The following GREP1 variants were observed in gnomAD, a reference collection of about 807,000 sequenced individuals.
GREP1 encodes glycine rich extracellular protein 1.
chr16:3,001,847 G>A, exon 35 of GREP1: 1 of 389,808 alleles, frequency 2.6e-6, no homozygotes, highest in Non-Finnish European at 4.5e-6. Context: ...GAGAAATCAT[G>A]AGAAGAAAAC....
chr16:2,998,623 T>A, intron 25 of GREP1, 100 bp downstream of exon 23: 1 of 398,250 alleles, frequency 2.5e-6, no homozygotes. Context: ...CCCTGCCAGA[T>A]CCCTACATCC....
chr16:2,998,444 T>C (rs370191177), intron 24 of GREP1, 50 bp from the exon 23 acceptor site: 42 of 399,282 alleles, frequency 1.1e-4, no homozygotes, highest in African/African-American at 8.6e-4. Context: ...TCAGCCCTTC[T>C]AGCCTCTGCC....
At chr16:2,998,130 C>T (rs1410132255) in intron 23 of GREP1, among the ~76,000 whole-genome samples, 2 of 152,028 alleles carry the variant, frequency 1.3e-5, no homozygotes. Flanking sequence ...CCAGAAACCT[C>T]CAAAGCCGAG....
chr16:2,995,971 C>T (rs2072422610), intron 18 of GREP1, 200 bp downstream of exon 17: 2 of 393,966 alleles, frequency 5.1e-6, no homozygotes, highest in East Asian at 3.6e-5. Flanking sequence ...CTTGCTCTGT[C>T]GCCCAGGCTG....
At position 2,989,323 on chromosome 16, in the gene GREP1, C is replaced by T; in HGVS notation, c.101-200C>T. 2 of 396,074 alleles carry T rather than the reference C, an allele frequency of 5.0e-6. No individual in the cohort carries two copies. Among genetic ancestry groups the T allele is most frequent in the Non-Finnish European group, 8.9e-6 (2 of 224,858 alleles). The allele number at this position is 396,074 out of a possible 1,614,324, so 24.5% of individuals were successfully genotyped here. A position where few individuals can be genotyped will look rare whatever the true frequency, so the allele number is the denominator to read the frequency against. ...TCCTGTGACAGCAGGGAAACTGAGA[C>T]CTGGAAAGGGAGGTGGCATCCAGAT... On this transcript the variant is annotated intron_variant, in intron 2 of 34. Coordinates refer to ENST00000573315, the Ensembl canonical transcript of GREP1. The surrounding 1 kb of genome is among the most constrained non-coding windows in gnomAD (Gnocchi z 4.2).
At position 3,000,067 on chromosome 16, in the gene GREP1, A is replaced by G. The variant is rs2072451561; in HGVS notation, c.1232-19A>G. The G allele has an allele frequency of 5.0e-6, 2 of 398,848 alleles. No individual in the cohort carries two copies. The highest frequency in any genetic ancestry group is 4.4e-6 in the Non-Finnish European group (1 of 226,072). The allele number at this position is 398,848 out of a possible 1,614,324, so 24.7% of individuals were successfully genotyped here. ...TCTCGCTGACCCCCATCTCTGAGTC[A>G]CAGTTTTCTCTCCCCCAGGTTTTAA... On this transcript the variant is annotated intron_variant, in intron 28 of 34. Coordinates refer to ENST00000573315, the Ensembl canonical transcript of GREP1.
chr16:2,998,201 C>T (rs2072436932), intron 23 of GREP1, among the ~76,000 whole-genome samples, 155 bp from the exon 22 acceptor site: 1 of 152,112 alleles, frequency 6.6e-6, no homozygotes, highest in African/African-American at 2.4e-5. Context: ...CGCCCTCATG[C>T]CCTGCTCTCC....
exon 33 of GREP1, chr16:3,000,747 C>A (rs1017297761): frequency 1.5e-5 from 6 of 398,858 alleles, no homozygotes; most frequent in Non-Finnish European, 2.7e-5. Flanking sequence ...TCTCGCTGGC[C>A]CACCCTCCAG....
exon 35 of GREP1, chr16:3,001,886 G>A (rs899736300): frequency 6.8e-5 from 25 of 366,666 alleles, no homozygotes; most frequent in Middle Eastern, 6.8e-4. Context: ...CCCTCAGGGA[G>A]GGCATCACTT....
intron 27 of GREP1, among the ~76,000 whole-genome samples, chr16:2,999,537 T>C (rs981669027): frequency 6.9e-6 from 1 of 144,574 alleles, no homozygotes; most frequent in Non-Finnish European, 1.5e-5. Flanking sequence ...CAGGCTGGAA[T>C]GCAGTGGTGC....
intron 27 of GREP1, among the ~76,000 whole-genome samples, chr16:2,999,634 T>C (rs2072448183): frequency 6.6e-6 from 1 of 152,150 alleles, no homozygotes; most frequent in South Asian, 2.1e-4. Context: ...TGTATTTTTG[T>C]AGAGTCGGGG....
At position 2,989,093 on chromosome 16, in the gene GREP1, G is replaced by A; in HGVS notation, c.101-430G>A. The A allele has an allele frequency of 4.2e-6, 1 of 239,022 alleles. No homozygotes were observed. The highest frequency in any genetic ancestry group is 1.3e-3 in the Middle Eastern group (1 of 800). The allele number at this position is 239,022 out of a possible 1,614,324, so 14.8% of individuals were successfully genotyped here. A position where few individuals can be genotyped will look rare whatever the true frequency, so the allele number is the denominator to read the frequency against. On this transcript the variant is annotated intron_variant, in intron 2 of 34. Transcript: ENST00000573315. This position sits in a 1 kb window ranked among gnomAD's most constrained non-coding sequence, Gnocchi z 4.2. The stretch of plus-strand genomic sequence containing the variant: ...TCAGGAGAGAAAGATGGGGGGCAGA[G>A]GTGGTGAGAAGAAGAGGAGGAGATT...
intron 19 of GREP1, 26 bp downstream of exon 18, chr16:2,996,557 G>A (rs1482809564): frequency 1.5e-5 from 6 of 399,168 alleles, no homozygotes; most frequent in South Asian, 1.3e-4. Flanking sequence ...CCTGGCTCGC[G>A]AGGGGTCGGG....
chr16:2,990,199 G>A (rs2072391385), intron 5 of GREP1, 77 bp downstream of exon 5: 3 of 398,336 alleles, frequency 7.5e-6, no homozygotes, highest in Non-Finnish European at 1.3e-5. Flanking sequence ...AGATTGTTGG[G>A]GGGAGGCGCA....
At chr16:2,994,423 T>C (rs62034560) in intron 10 of GREP1, 4,493 of 259,842 alleles carry the variant, frequency 0.017, 63 homozygotes, top group Non-Finnish European at 0.02. Context: ...GCAGGAGAAT[T>C]GCTTGAACCC....
At position 2,992,745 on chromosome 16, in the gene GREP1, C is replaced by T. The variant is rs1596461663; in HGVS notation, c.323-60C>T. ...GACAGAAAGGGAGAGGGCAGGGCTC[C>T]AGGCCCCAGCTCATCCCCACTGCAC... On this transcript the variant is annotated intron_variant, in intron 8 of 34. Transcript: ENST00000573315. This position sits in a 1 kb window ranked among gnomAD's most constrained non-coding sequence, Gnocchi z 4.9. 1.0e-5 allele frequency: 4 copies of T among 399,164 alleles called. No homozygotes were observed. The highest frequency in any genetic ancestry group is 1.8e-5 in the Non-Finnish European group (4 of 226,250). 24.7% of individuals were successfully genotyped at this position (399,164 alleles called of 1,614,324 possible).
Position 2,996,228 on chromosome 16 carries a change from G to A in GREP1, c.677-268G>A, listed in dbSNP as rs574969439. ...GATGACAGGCGTGAGCCACCGCACC[G>A]GGCTGAGCCCAGGCTTCTTAGAGGG... On this transcript the variant is annotated intron_variant, in intron 18 of 34. Transcript: ENST00000573315. 1.6e-4 allele frequency among the ~76,000 whole-genome samples: 24 copies of A among 152,262 alleles called. No individual in the cohort carries two copies. In the East Asian group the frequency reaches 3.7e-3, roughly 23 times the overall value.
At chr16:2,999,929 C>G (rs913545506) in exon 28 of GREP1, 1 of 398,948 alleles carries the variant, frequency 2.5e-6, no homozygotes, top group Non-Finnish European at 4.4e-6. Context: ...GGCTATGGAC[C>G]GGGAGCAGAA....
chr16:3,000,374 C>T (rs1299553024), intron 30 of GREP1: 6 of 399,022 alleles, frequency 1.5e-5, no homozygotes, highest in South Asian at 1.3e-4. Context: ...GAGCAGGGGT[C>T]GGGGTGGGAG....
Sources: allele counts gnomAD v4.1 joint callset (sites outside exome capture counted in the v4.1 genomes callset), GRCh38; gene constraint gnomAD v4.1.1; non-coding constraint Gnocchi (gnomAD v3.1); transcripts MANE v1.5; gene names NCBI Gene and HGNC (gene_info 2026-07-23, HGNC 2026-07-21).